Variants in ZFHX3 observed in about 807,000 individuals in gnomAD.
ZFHX3 encodes zinc finger homeobox 3.
ZFHX3 carries 42 observed loss-of-function variants against 279.1 expected under a neutral mutation model. That is an observed-to-expected ratio of 0.15 (90% CI 0.12 to 0.19). ZFHX3 has a LOEUF of 0.19. Among genes scored for constraint, ZFHX3 ranks in the 10% least tolerant of loss-of-function variants. The pLI, the probability that ZFHX3 is intolerant of heterozygous loss-of-function variation, is 1.00. For synonymous variants in ZFHX3, 2,293 were observed against 1,957.8 expected, an observed-to-expected ratio of 1.17 and a Z score of -4.52; for missense variants, 4,981 against 4,754.0, an observed-to-expected ratio of 1.05 and a Z score of -1.40.
intron 1 of ZFHX3, among the ~76,000 whole-genome samples, chr16:73,036,259 A>G (rs746929354): frequency 3.9e-5 from 6 of 152,228 alleles, no homozygotes; most frequent in Admixed American, 6.5e-5. Flanking sequence ...TAGGGATCAC[A>G]AGGCCAGTCT....
rs556885862 is a variant in ZFHX3 at position 72,785,660 on chromosome 16, A to AAAAC, written c.*1500_*1503dup. On this transcript the variant is annotated 3_prime_UTR_variant, in exon 10 of 10. Transcript: ENST00000268489. ...TTTTTTTTTCTGAGAGAGGAAAGAAAAAACAAACACAAAACCAAAAACCAA... is the reference window on the plus strand; with the variant it reads ...TTTTTTTTTCTGAGAGAGGAAAGAAAAAACAAACAAACACAAAACCAAAAACCAA... 303 of 152,406 alleles carry AAAAC rather than the reference A, an allele frequency of 2.0e-3. No individual in the cohort carries two copies. Among genetic ancestry groups the AAAAC allele is most frequent in the Non-Finnish European group, 3.4e-3 (229 of 68,028 alleles). 9.4% of individuals were successfully genotyped at this position (152,406 alleles called of 1,614,324 possible). A position where few individuals can be genotyped will look rare whatever the true frequency, so the allele number is the denominator to read the frequency against.
rs527536496 is a variant in ZFHX3 at position 72,958,758 on chromosome 16, G to A, written c.1388C>T (p.Ala463Val). 2.8e-5 allele frequency: 45 copies of A among 1,612,038 alleles called. No homozygotes were observed. The East Asian group carries it at 4.0e-4, about 14-fold the overall frequency. The change falls in exon 2 of 10, where the codon GCG becomes GTG. Residue 463 changes from alanine to valine, a missense_variant. This residue lies in a region of ZFHX3 where 1,068 missense variants were observed against 935.2 expected (regional missense o/e 1.14). Transcript: ENST00000268489. ...SEKVEPAEEE[A>V]EEEEEEEEAE... Reference sequence around the variant, plus strand: ...CTCTTCCTCCTCCTCTTCCTCCTCCGCCTCCTCTTCGGCTGGCTCTACCTT... The same window carrying A: ...CTCTTCCTCCTCCTCTTCCTCCTCCACCTCCTCTTCGGCTGGCTCTACCTT...
chr16:73,523,116 T>C (rs1253741744), intron 2 of ZFHX3, among the ~76,000 whole-genome samples: 1 of 152,224 alleles, frequency 6.6e-6, no homozygotes, highest in Non-Finnish European at 1.5e-5. Flanking sequence ...AGTTTCACTG[T>C]GCCTTTATTT....
chr16:73,810,329 C>T (rs912867743), intron 1 of ZFHX3, among the ~76,000 whole-genome samples: 2 of 152,132 alleles, frequency 1.3e-5, no homozygotes, highest in South Asian at 4.1e-4. Flanking sequence ...GAAACATTCT[C>T]TTTCAGGGAA....
intron 1 of ZFHX3, among the ~76,000 whole-genome samples, chr16:73,755,725 T>A (rs113492494): frequency 9.2e-5 from 14 of 152,226 alleles, no homozygotes; most frequent in African/African-American, 3.4e-4. Flanking sequence ...AAGCAAGAGC[T>A]TGGGGCTCAG....
chr16:73,647,021 T>TGAG (rs2052624500), intron 2 of ZFHX3, among the ~76,000 whole-genome samples: 1 of 92,120 alleles, frequency 1.1e-5, no homozygotes, highest in African/African-American at 2.9e-5. Flanking sequence ...ACCTTTTTTT[T>TGAG]TTCTTTTTTT....
At chr16:72,877,898 C>T (rs997547267) in intron 4 of ZFHX3, among the ~76,000 whole-genome samples, 2 of 152,204 alleles carry the variant, frequency 1.3e-5, no homozygotes, top group Non-Finnish European at 2.9e-5. Context: ...AAGGAGGCAA[C>T]TCACACCTGA....
intron 1 of ZFHX3, among the ~76,000 whole-genome samples, chr16:73,807,740 G>A (rs1334165630): frequency 6.8e-6 from 1 of 147,812 alleles, no homozygotes; most frequent in African/African-American, 2.5e-5. Flanking sequence ...CAAAATGTTG[G>A]AATTACAGAC....
At chr16:73,219,300 G>T (rs956452325) in intron 5 of ZFHX3, among the ~76,000 whole-genome samples, 2 of 152,066 alleles carry the variant, frequency 1.3e-5, no homozygotes, top group African/African-American at 4.8e-5. Context: ...TTTCTAACAC[G>T]CCATGTTATT....
At chr16:73,548,722 T>TA (rs1241361494) in intron 2 of ZFHX3, among the ~76,000 whole-genome samples, 2 of 151,764 alleles carry the variant, frequency 1.3e-5, no homozygotes, top group East Asian at 1.9e-4. Flanking sequence ...AAACAAAATA[T>TA]AAAAAAAATT....
At chr16:73,337,799 C>G (rs1205470562) in intron 3 of ZFHX3, among the ~76,000 whole-genome samples, 1 of 147,962 alleles carries the variant, frequency 6.8e-6, no homozygotes, top group African/African-American at 2.5e-5. Context: ...CTAAAATGCT[C>G]TTTTAGAAGC....
chr16:73,050,200 TAGAAAGCCCAAAG>T (rs1460004727), upstream of ZFHX3, among the ~76,000 whole-genome samples: 1 of 152,192 alleles, frequency 6.6e-6, no homozygotes, highest in African/African-American at 2.4e-5. Context: ...AAATAAAAGC[TAGAAAGCCCAAAG>T]AACAAGCTAT....
At chr16:73,774,267 C>G (rs2054052107) in intron 1 of ZFHX3, among the ~76,000 whole-genome samples, 1 of 152,180 alleles carries the variant, frequency 6.6e-6, no homozygotes, top group African/African-American at 2.4e-5. Flanking sequence ...TTACTATTCA[C>G]TGTAGAATCC....
chr16:73,705,222 C>G (rs940406501), intron 1 of ZFHX3, among the ~76,000 whole-genome samples: 1 of 152,052 alleles, frequency 6.6e-6, no homozygotes, highest in African/African-American at 2.4e-5. Context: ...GTTTAGCAAC[C>G]AATATGCAAA....
chr16:72,932,208 G>C (rs1959851971), intron 3 of ZFHX3, among the ~76,000 whole-genome samples: 1 of 152,086 alleles, frequency 6.6e-6, no homozygotes, highest in South Asian at 2.1e-4. Flanking sequence ...ATGCTTGCAG[G>C]AAGTCCTATT....
chr16:73,541,568 T>C (rs149560772), intron 2 of ZFHX3, among the ~76,000 whole-genome samples: 1,791 of 152,216 alleles, frequency 0.012, 36 homozygotes, highest in African/African-American at 0.041. Context: ...TTCTATTTAT[T>C]TGGCAGATGA....
chr16:72,965,176 G>C (rs576665402), intron 1 of ZFHX3, among the ~76,000 whole-genome samples: 8 of 152,334 alleles, frequency 5.3e-5, no homozygotes, highest in Admixed American at 3.9e-4. Context: ...ACCGCACCTG[G>C]CCTGTTTTTC....
intron 6 of ZFHX3, among the ~76,000 whole-genome samples, chr16:73,131,783 T>C (rs1377791435): frequency 6.6e-6 from 1 of 152,216 alleles, no homozygotes; most frequent in Non-Finnish European, 1.5e-5. Context: ...ATTCCAGTTC[T>C]ACCACACATT....
chr16:73,250,608 A>G (rs1263812783), intron 5 of ZFHX3, among the ~76,000 whole-genome samples: 1 of 152,160 alleles, frequency 6.6e-6, no homozygotes, highest in Non-Finnish European at 1.5e-5. Flanking sequence ...ATCTTGGCTC[A>G]CTGCAAGCTC....
Sources: gnomAD v4.1 joint callset for allele counts (sites outside exome capture counted in the v4.1 genomes callset) on GRCh38, gnomAD v4.1.1 for gene constraint, gnomAD v4.1.1 regional missense constraint, MANE v1.5 for transcripts, NCBI Gene and HGNC (gene_info 2026-07-23, HGNC 2026-07-21) for gene names.